The following RBFOX1 variants were observed in gnomAD, a reference collection of about 807,000 sequenced individuals.
The protein encoded by RBFOX1 is RNA binding fox-1 homolog 1.
A neutral mutation model predicts 57.7 loss-of-function variants in RBFOX1; 8 were observed. The ratio of observed to expected loss-of-function variants is 0.14; its 90% CI spans 0.08 to 0.25. RBFOX1 has a LOEUF of 0.25. RBFOX1 is among the 10% of genes least tolerant of loss of function. RBFOX1 has a pLI of 1.00. For missense variants in RBFOX1, 611 were observed against 548.5 expected, an observed-to-expected ratio of 1.11 and a Z score of -1.14; for synonymous variants, 326 against 222.4, an observed-to-expected ratio of 1.47 and a Z score of -4.15.
intron 2 of RBFOX1, among the ~76,000 whole-genome samples, chr16:6,535,252 C>T (rs1206748049): frequency 6.6e-6 from 1 of 152,160 alleles, no homozygotes; most frequent in Non-Finnish European, 1.5e-5. Flanking sequence ...TTCTTTCCAG[C>T]CAGAGCTCTG....
chr16:6,624,780 A>T (rs2098280351), intron 2 of RBFOX1, among the ~76,000 whole-genome samples: 1 of 152,160 alleles, frequency 6.6e-6, no homozygotes, highest in Non-Finnish European at 1.5e-5. Flanking sequence ...CAGTGAAGGC[A>T]ATTCTTTAAT....
intron 3 of RBFOX1, among the ~76,000 whole-genome samples, chr16:6,957,479 C>A (rs1486164199): frequency 1.3e-5 from 2 of 152,174 alleles, no homozygotes; most frequent in African/African-American, 4.8e-5. Flanking sequence ...TATAGGGTAA[C>A]TTCCTGACGT....
intron 4 of RBFOX1, chr16:7,304,408 G>A (rs893335899): frequency 2.3e-5 from 23 of 985,260 alleles, no homozygotes; most frequent in African/African-American, 2.1e-4. Flanking sequence ...TCTGACGGGG[G>A]CCACCTGCGT....
chr16:6,064,607 C>G (rs2095734770), intron 1 of RBFOX1, among the ~76,000 whole-genome samples: 1 of 151,960 alleles, frequency 6.6e-6, no homozygotes, highest in Non-Finnish European at 1.5e-5. Context: ...GTGGTGCGAT[C>G]TCGGCTCACT....
intron 3 of RBFOX1, among the ~76,000 whole-genome samples, chr16:6,864,318 C>G (rs1304496996): frequency 6.6e-6 from 1 of 152,166 alleles, no homozygotes; most frequent in Admixed American, 6.5e-5. Flanking sequence ...CTTATCCTAT[C>G]CAGTTATTTC....
intron 4 of RBFOX1, among the ~76,000 whole-genome samples, chr16:5,887,797 G>T (rs996106930): frequency 6.6e-6 from 1 of 152,166 alleles, no homozygotes; most frequent in African/African-American, 2.4e-5. Context: ...GAATGGTTGT[G>T]CCAGAATTCT....
chr16:6,707,727 A>G (rs2063015916), intron 3 of RBFOX1, among the ~76,000 whole-genome samples: 1 of 152,164 alleles, frequency 6.6e-6, no homozygotes, highest in Non-Finnish European at 1.5e-5. Context: ...TCCATAGCAC[A>G]TTTTTAATTC....
intron 4 of RBFOX1, among the ~76,000 whole-genome samples, chr16:7,421,957 C>T (rs757138481): frequency 6.6e-6 from 1 of 152,098 alleles, no homozygotes; most frequent in Admixed American, 6.6e-5. Context: ...GTCCCTAAAG[C>T]CATATCTGTT....
intron 2 of RBFOX1, among the ~76,000 whole-genome samples, chr16:6,436,109 G>C (rs1421550596): frequency 6.6e-6 from 1 of 152,148 alleles, no homozygotes; most frequent in Non-Finnish European, 1.5e-5. Context: ...TGAAAATGTG[G>C]TGAATACTTT....
rs2154264879 is a variant in RBFOX1, at chr16:6,809,319, A to G, written c.-16+154669A>G. Among the ~76,000 whole-genome samples, 2 of 152,322 alleles carry G rather than the reference A, an allele frequency of 1.3e-5. 1 individual carries two copies. The highest frequency in any genetic ancestry group is 4.1e-4 in the South Asian group (2 of 4,820). Reference sequence around the variant, plus strand: ...ATTTGGCTGAAGTTTTTCTTTAACCAGAGGGAAGAAATAAACTAATGTAGA... The same window carrying G: ...ATTTGGCTGAAGTTTTTCTTTAACCGGAGGGAAGAAATAAACTAATGTAGA... On this transcript the variant is annotated intron_variant, in intron 3 of 15. Transcript: ENST00000550418.
intron 4 of RBFOX1, among the ~76,000 whole-genome samples, chr16:7,305,787 A>G (rs1474224296): frequency 6.6e-6 from 1 of 152,214 alleles, no homozygotes; most frequent in Non-Finnish European, 1.5e-5. Flanking sequence ...AATCTTGGGA[A>G]CCAATTTGTT....
chr16:6,637,214 T>A (rs1161107389), intron 2 of RBFOX1, among the ~76,000 whole-genome samples: 7 of 69,158 alleles, frequency 1.0e-4, no homozygotes, highest in African/African-American at 4.3e-4. Flanking sequence ...TTATATATAT[T>A]ATATAATATA....
intron 4 of RBFOX1, among the ~76,000 whole-genome samples, chr16:5,999,867 C>CAAAA (rs869221577): frequency 6.9e-4 from 19 of 27,672 alleles, no homozygotes; most frequent in Non-Finnish European, 9.0e-4. Context: ...GACTCCACCT[C>CAAAA]AAAAAAAAAA....
At chr16:5,928,240 C>G (rs1038927333) in intron 4 of RBFOX1, among the ~76,000 whole-genome samples, 4 of 151,872 alleles carry the variant, frequency 2.6e-5, no homozygotes, top group African/African-American at 9.7e-5. Context: ...ATTACCACAC[C>G]TTGCTAGTGT....
At chr16:7,476,863 T>C (rs2062829051) in intron 4 of RBFOX1, among the ~76,000 whole-genome samples, 1 of 152,208 alleles carries the variant, frequency 6.6e-6, no homozygotes, top group Non-Finnish European at 1.5e-5. Context: ...TTATGCTGAA[T>C]ATCGGCAAAA....
chr16:6,830,398 G>T (rs572199148), intron 3 of RBFOX1, among the ~76,000 whole-genome samples: 1 of 151,924 alleles, frequency 6.6e-6, no homozygotes, highest in African/African-American at 2.4e-5. Context: ...TTTTACTAAC[G>T]GGAAGTAATA....
intron 3 of RBFOX1, among the ~76,000 whole-genome samples, chr16:6,888,111 A>G (rs774960613): frequency 8.5e-5 from 13 of 152,158 alleles, no homozygotes; most frequent in Non-Finnish European, 1.5e-4. Context: ...AAGCTTTACA[A>G]TTATTTCCCT....
intron 1 of RBFOX1, among the ~76,000 whole-genome samples, chr16:6,062,776 C>G (rs1288489110): frequency 1.3e-5 from 2 of 151,814 alleles, no homozygotes; most frequent in African/African-American, 4.8e-5. Flanking sequence ...GATATTTACT[C>G]TTAGGAATTG....
chr16:5,533,156 A>C (rs1228087585), intron 2 of RBFOX1, among the ~76,000 whole-genome samples: 1 of 152,138 alleles, frequency 6.6e-6, no homozygotes, highest in Non-Finnish European at 1.5e-5. Context: ...ATCAAAGAAG[A>C]GGGTAAGAAC....
Sources: allele counts gnomAD v4.1 joint callset (sites outside exome capture counted in the v4.1 genomes callset), GRCh38; gene constraint gnomAD v4.1.1; transcripts MANE v1.5; gene names NCBI Gene and HGNC (gene_info 2026-07-23, HGNC 2026-07-21).